Variants in C10orf90 observed in about 807,000 individuals in gnomAD.
C10orf90 encodes chromosome 10 open reading frame 90, also known as (E2-independent) E3 ubiquitin-conjugating enzyme FATS.
Under a neutral mutation model 62.5 loss-of-function variants are expected in C10orf90, and 56 were observed. That is an observed-to-expected ratio of 0.90 (90% CI 0.72 to 1.12). The LOEUF (loss-of-function observed/expected upper bound fraction) is 1.12. Ranked by LOEUF, C10orf90 falls within the 50% of genes most tolerant of loss-of-function variation. The pLI is 0.00. For synonymous variants in C10orf90, 386 were observed against 340.4 expected (o/e 1.13, Z -1.47); for missense variants, 970 against 880.4 (o/e 1.10, Z -1.29).
Position 126,646,576 on chromosome 10 carries a change from A to G in C10orf90, c.302T>C (p.Leu101Pro). The change falls in exon 2 of 10, where the codon CTT becomes CCT. Residue 101 changes from leucine to proline, a missense_variant. By Grantham distance (98) the Leu-to-Pro change is moderately conservative. Transcript: ENST00000488181. ...DHSAWERNES[L>P]SNAGLRDSYH... ...CCCCAGTCCTTTACCTGCATTGGAA[A>G]GACTTTCATTTCTTTCCCAGGCAGA... The G allele has an allele frequency of 2.2e-6, 1 of 451,046 alleles. No homozygotes were observed. The highest frequency in any genetic ancestry group is 1.6e-5 in the South Asian group (1 of 63,060). 27.9% of individuals were successfully genotyped at this position (451,046 alleles called of 1,614,324 possible). A position where few individuals can be genotyped will look rare whatever the true frequency, so the allele number is the denominator to read the frequency against.
intron 2 of C10orf90, among the ~76,000 whole-genome samples, chr10:126,541,876 T>G (rs1355594480): frequency 6.6e-6 from 1 of 152,194 alleles, no homozygotes; most frequent in African/African-American, 2.4e-5. Context: ...TTTCACAAAG[T>G]GTTCACATCA....
At chr10:126,580,836 T>C (rs1436931377) in intron 2 of C10orf90, among the ~76,000 whole-genome samples, 1 of 151,524 alleles carries the variant, frequency 6.6e-6, no homozygotes, top group African/African-American at 2.4e-5. Context: ...CATGTTCATG[T>C]GTATGAGTGT....
intron 2 of C10orf90, among the ~76,000 whole-genome samples, chr10:126,523,213 T>G (rs1863824316): frequency 6.6e-6 from 1 of 152,198 alleles, no homozygotes; most frequent in Non-Finnish European, 1.5e-5. Context: ...GGTGGGTTGT[T>G]CCAGCTTTGC....
chr10:126,467,541 C>T (rs1860360297), intron 4 of C10orf90, among the ~76,000 whole-genome samples: 1 of 152,164 alleles, frequency 6.6e-6, no homozygotes, highest in Admixed American at 6.5e-5. Context: ...TCGAGAGCAG[C>T]CTGCCAATGA....
At chr10:126,492,242 G>GGAGA (rs1861806308) in intron 4 of C10orf90, among the ~76,000 whole-genome samples, 1 of 152,178 alleles carries the variant, frequency 6.6e-6, no homozygotes, top group Non-Finnish European at 1.5e-5. Context: ...TTGGTTGTGT[G>GGAGA]CTAGGGGGAG....
intron 2 of C10orf90, among the ~76,000 whole-genome samples, chr10:126,567,953 T>C (rs986427772): frequency 6.6e-6 from 1 of 151,904 alleles, no homozygotes; most frequent in Non-Finnish European, 1.5e-5. Context: ...TATTGTTTAT[T>C]GTACAAGAAA....
At position 126,457,155 on chromosome 10, in the gene C10orf90, A is replaced by G. The variant is rs1307388965; in HGVS notation, c.2188+1885T>C. Among the ~76,000 whole-genome samples, 4 of 151,974 alleles carry G rather than the reference A, an allele frequency of 2.6e-5. No homozygotes were observed. In the South Asian group the frequency reaches 6.2e-4, roughly 24 times the overall value. ...AGGCATGCACCATCACACCTGGCCA[A>G]TTTTTGTACTTTTTGTAGAGACAGG... is the stretch of plus-strand genomic sequence containing the variant. On this transcript the variant is annotated intron_variant, in intron 7 of 9. Coordinates refer to ENST00000488181, the MANE Select transcript of C10orf90 (RefSeq NM_001350921.2).
chr10:126,461,830 G>T (rs1431172428), intron 5 of C10orf90, among the ~76,000 whole-genome samples: 1 of 152,110 alleles, frequency 6.6e-6, no homozygotes, highest in African/African-American at 2.4e-5. Flanking sequence ...GTATTCCGTA[G>T]GCTTCTGATG....
intron 2 of C10orf90, among the ~76,000 whole-genome samples, chr10:126,603,470 A>T (rs779453975): frequency 1.1e-4 from 16 of 152,200 alleles, no homozygotes; most frequent in Non-Finnish European, 1.9e-4. Context: ...ATTACAATTC[A>T]AGATGAGATT....
chr10:126,524,987 C>T (rs772005744), intron 2 of C10orf90, among the ~76,000 whole-genome samples: 5 of 152,200 alleles, frequency 3.3e-5, no homozygotes, highest in Non-Finnish European at 5.9e-5. Flanking sequence ...CATTTCTGCC[C>T]TTGCAGGTGG....
In C10orf90 at chr10:126,504,670, G is replaced by A; in HGVS notation, c.821C>T (p.Pro274Leu). Reference sequence around the variant, plus strand: ...ATGGGCGCCATTGGCCAGAGCCGGGGGCGCCTGGAACAGTGTGTCCTCAGC... The same window carrying A: ...ATGGGCGCCATTGGCCAGAGCCGGGAGCGCCTGGAACAGTGTGTCCTCAGC... ...CRAEDTLFQA[P>L]PALANGAHPG... The change falls in exon 4 of 10, where the codon CCC (proline) becomes CTC (leucine). Residue 274 changes from proline (P) to leucine (L), a missense_variant. Coordinates refer to ENST00000488181, the MANE Select transcript of C10orf90 (RefSeq NM_001350921.2). This position sits in a 1 kb window ranked among gnomAD's most constrained non-coding sequence, Gnocchi z 4.1. The A allele has an allele frequency of 6.2e-7, 1 of 1,614,160 alleles. No homozygotes were observed. Among genetic ancestry groups the A allele is most frequent in the Non-Finnish European group, 8.5e-7 (1 of 1,180,000 alleles).
At chr10:126,630,141 G>T (rs991701310) in intron 2 of C10orf90, among the ~76,000 whole-genome samples, 11 of 152,302 alleles carry the variant, frequency 7.2e-5, no homozygotes, top group African/African-American at 2.6e-4. Flanking sequence ...TCCCTGTGAT[G>T]CAGGGACTAT....
chr10:126,635,640 C>T (rs1354263284), intron 2 of C10orf90, among the ~76,000 whole-genome samples: 1 of 152,186 alleles, frequency 6.6e-6, no homozygotes, highest in Non-Finnish European at 1.5e-5. Context: ...ATATGGTCTG[C>T]ACTCCCCTCC....
chr10:126,595,784 T>A (rs1022469300), intron 2 of C10orf90, among the ~76,000 whole-genome samples: 2 of 152,150 alleles, frequency 1.3e-5, no homozygotes, highest in African/African-American at 4.8e-5. Context: ...GAGCCCTGAC[T>A]GGGATTGAGG....
chr10:126,449,952 G>T (rs1859058405), intron 7 of C10orf90, among the ~76,000 whole-genome samples: 1 of 146,798 alleles, frequency 6.8e-6, no homozygotes, highest in Non-Finnish European at 1.5e-5. Context: ...AGCCGAGATT[G>T]CACCACTGCA....
chr10:126,553,541 A>G (rs1424243055), intron 2 of C10orf90, among the ~76,000 whole-genome samples: 2 of 152,160 alleles, frequency 1.3e-5, no homozygotes, highest in Non-Finnish European at 2.9e-5. Flanking sequence ...CATAGACATC[A>G]TAACATCATA....
intron 2 of C10orf90, among the ~76,000 whole-genome samples, chr10:126,555,147 G>A (rs1483968793): frequency 6.6e-6 from 1 of 152,144 alleles, no homozygotes; most frequent in Non-Finnish European, 1.5e-5. Flanking sequence ...GTGGGGTGGT[G>A]ACATGGTTGG....
At chr10:126,608,024 TA>T (rs1273268298) in intron 2 of C10orf90, among the ~76,000 whole-genome samples, 5 of 152,220 alleles carry the variant, frequency 3.3e-5, no homozygotes, top group African/African-American at 1.2e-4. Flanking sequence ...TGTAGAGTTT[TA>T]GTTTTCCAAG....
chr10:126,526,496 G>A (rs982299223), intron 2 of C10orf90, among the ~76,000 whole-genome samples: 17 of 151,958 alleles, frequency 1.1e-4, no homozygotes, highest in Non-Finnish European at 1.5e-4. Flanking sequence ...CGCCCGCCTC[G>A]GCCTCCCAAA....
Sources: gnomAD v4.1 joint callset for allele counts (sites outside exome capture counted in the v4.1 genomes callset) on GRCh38, gnomAD v4.1.1 for gene constraint, Gnocchi (gnomAD v3.1) non-coding constraint, MANE v1.5 for transcripts, NCBI Gene and HGNC (gene_info 2026-07-23, HGNC 2026-07-21) for gene names.